RUBCN: variants seen among roughly 807,000 people sequenced by gnomAD.
RUBCN encodes rubicon autophagy regulator, also known as run domain Beclin-1-interacting and cysteine-rich domain-containing protein.
Under a neutral mutation model 113.2 loss-of-function variants are expected in RUBCN, and 74 were observed. The ratio of observed to expected loss-of-function variants is 0.65; its 90% confidence interval spans 0.54 to 0.79. The LOEUF (loss-of-function observed/expected upper bound fraction) is 0.79, where lower values mean the gene tolerates loss of function less well. Among genes scored for constraint, RUBCN ranks in the 30% least tolerant of loss-of-function variants. The probability of loss-of-function intolerance (pLI) is 0.00; values close to 1 mark genes in which losing one functional copy is unlikely to be tolerated. For synonymous variants in RUBCN, 480 were observed against 490.0 expected (o/e 0.98, Z 0.27); for missense variants, 1,109 against 1,251.7 (o/e 0.89, Z 1.72).
At chr3:197,736,963 C>T (rs919701974), upstream of RUBCN, 12 of 1,288,534 alleles carry the variant, frequency 9.3e-6, no homozygotes, top group African/African-American at 1.6e-4. Context: ...CTAGGCCGCT[C>T]CCGCAGGACG....
chr3:197,744,347 A>G (rs1253963497), intron 1 of RUBCN, among the ~76,000 whole-genome samples: 1 of 152,200 alleles, frequency 6.6e-6, no homozygotes, highest in Non-Finnish European at 1.5e-5. Context: ...TCAAAAACAA[A>G]ATCAACATTC....
intron 11 of RUBCN, among the ~76,000 whole-genome samples, chr3:197,687,429 T>C (rs763825536): frequency 4.6e-5 from 7 of 152,252 alleles, no homozygotes; most frequent in Non-Finnish European, 7.3e-5. Context: ...ACTCCAAATC[T>C]GCCCTTGTTT....
intron 1 of RUBCN, among the ~76,000 whole-genome samples, chr3:197,731,968 G>A (rs1178093623): frequency 1.3e-5 from 2 of 152,256 alleles, no homozygotes; most frequent in African/African-American, 4.8e-5. Flanking sequence ...CCTGGTGACT[G>A]CTTACATATG....
intron 1 of RUBCN, chr3:197,748,447 T>A (rs931932072): frequency 1.6e-4 from 12 of 75,264 alleles, no homozygotes; most frequent in African/African-American, 3.7e-4. Context: ...TGTTATGTCC[T>A]TGTCATGATA....
upstream of RUBCN, chr3:197,749,789 G>A (rs1728931133): frequency 8.0e-6 from 4 of 499,926 alleles, no homozygotes; most frequent in Admixed American, 1.0e-4. Flanking sequence ...CACGGCGCGG[G>A]GCCGCTCTGG....
intron 1 of RUBCN, among the ~76,000 whole-genome samples, chr3:197,719,572 G>A (rs760845296): frequency 2.0e-5 from 3 of 148,526 alleles, no homozygotes; most frequent in African/African-American, 5.0e-5. Flanking sequence ...ATTACACAAA[G>A]AGCATTGACA....
In RUBCN at chr3:197,674,897, A is replaced by T; in HGVS notation, c.*121T>A. 21 of 721,130 alleles carry T rather than the reference A, an allele frequency of 2.9e-5. No individual in the cohort carries two copies. Among genetic ancestry groups the T allele is most frequent in the South Asian group, 4.4e-5 (2 of 45,452 alleles). 44.7% of individuals were successfully genotyped at this position (721,130 alleles called of 1,614,324 possible). On this transcript the variant is annotated 3_prime_UTR_variant, in exon 20 of 20. Transcript: ENST00000296343. Reference sequence around the variant, plus strand: ...CAAGTCAGTAAAAAAAAAAAAAAAGATGATGATAATTAAAAAAAAAAAAAA... The same window carrying T: ...CAAGTCAGTAAAAAAAAAAAAAAAGTTGATGATAATTAAAAAAAAAAAAAA...
upstream of RUBCN, among the ~76,000 whole-genome samples, chr3:197,739,614 TG>T (rs1183715937): frequency 6.7e-6 from 1 of 149,394 alleles, no homozygotes; most frequent in Non-Finnish European, 1.5e-5. Context: ...GAGAATGGCG[TG>T]ATGAACCCGG....
intron 2 of RUBCN, among the ~76,000 whole-genome samples, chr3:197,713,765 C>T (rs920499869): frequency 2.1e-4 from 32 of 151,754 alleles, no homozygotes; most frequent in African/African-American, 5.3e-4. Context: ...GAAGGGCATA[C>T]GGCAGAACTG....
intron 1 of RUBCN, among the ~76,000 whole-genome samples, chr3:197,727,219 C>T (rs748908689): frequency 6.6e-6 from 1 of 152,198 alleles, no homozygotes; most frequent in African/African-American, 2.4e-5. Flanking sequence ...GGATTACAGG[C>T]GTGAGCCACC....
chr3:197,700,405 T>C, intron 7 of RUBCN: 1 of 600,356 alleles, frequency 1.7e-6, no homozygotes, highest in African/African-American at 1.9e-5. Flanking sequence ...CATTTAATAT[T>C]AGCAATGTAT....
intron 2 of RUBCN, among the ~76,000 whole-genome samples, chr3:197,710,753 A>G (rs1724873238): frequency 6.6e-6 from 1 of 152,220 alleles, no homozygotes; most frequent in Non-Finnish European, 1.5e-5. Context: ...AAAATAGGAA[A>G]AAGTTCACAG....
intron 1 of RUBCN, among the ~76,000 whole-genome samples, chr3:197,725,101 T>C (rs984389542): frequency 1.3e-5 from 2 of 152,168 alleles, no homozygotes; most frequent in African/African-American, 4.8e-5. Flanking sequence ...AAAGGATTTT[T>C]AAAATACTCA....
intron 1 of RUBCN, among the ~76,000 whole-genome samples, chr3:197,734,256 CAA>C (rs1263970915): frequency 3.3e-4 from 32 of 95,632 alleles, no homozygotes; most frequent in Admixed American, 3.7e-4. Flanking sequence ...GACTCTATCT[CAA>C]AAAAAAAAAA....
At chr3:197,678,958 A>T (rs62283399) in intron 16 of RUBCN, among the ~76,000 whole-genome samples, 1 of 143,786 alleles carries the variant, frequency 7.0e-6, no homozygotes, top group Non-Finnish European at 1.5e-5. Context: ...AGACTGTCGT[A>T]TGCTCTAACT....
chr3:197,715,654 C>T (rs1168902388), intron 2 of RUBCN, among the ~76,000 whole-genome samples: 1 of 152,100 alleles, frequency 6.6e-6, no homozygotes, highest in Non-Finnish European at 1.5e-5. Flanking sequence ...AGTATTTTGC[C>T]CAAGGTTACA....
rs1393472726 is a variant in RUBCN, at chr3:197,674,643, AG to A, written c.*374del. On this transcript the variant is annotated 3_prime_UTR_variant, in exon 20 of 20. Transcript: ENST00000296343. ...CTCAGAAGCTCCAGAACTGAAACAA[AG>A]GAAAATTGGAAATGATACCTGACAT... 2.3e-6 allele frequency: 1 copy of A among 426,780 alleles called. No individual in the cohort carries two copies. The highest frequency in any genetic ancestry group is 4.7e-6 in the Non-Finnish European group (1 of 212,828). 26.4% of individuals were successfully genotyped at this position (426,780 alleles called of 1,614,324 possible). A position where few individuals can be genotyped will look rare whatever the true frequency, so the allele number is the denominator to read the frequency against.
rs1264183375 is a variant in RUBCN, at chr3:197,672,624, T to C, written c.*2394A>G. On this transcript the variant is annotated 3_prime_UTR_variant, in exon 20 of 20. Transcript: ENST00000296343. The stretch of plus-strand genomic sequence containing the variant: ...TTGTCATCCTTTGATCCTATGCTGA[T>C]GTGAAACAGGCAGGACAAGACGGCA... The C allele has an allele frequency of 6.6e-6, 1 of 152,258 alleles. No individual in the cohort carries two copies. Among genetic ancestry groups the C allele is most frequent in the Non-Finnish European group, 1.5e-5 (1 of 68,038 alleles). The allele number at this position is 152,258 out of a possible 1,614,324, so 9.4% of individuals were successfully genotyped here. A position where few individuals can be genotyped will look rare whatever the true frequency, so the allele number is the denominator to read the frequency against.
intron 11 of RUBCN, among the ~76,000 whole-genome samples, chr3:197,693,183 T>G (rs1722620110): frequency 6.6e-6 from 1 of 152,072 alleles, no homozygotes; most frequent in African/African-American, 2.4e-5. Context: ...CTGATACTCC[T>G]ACCACCACCA....
Sources: allele counts gnomAD v4.1 joint callset (sites outside exome capture counted in the v4.1 genomes callset), GRCh38; gene constraint gnomAD v4.1.1; transcripts MANE v1.5; gene names NCBI Gene and HGNC (gene_info 2026-07-23, HGNC 2026-07-21).